VRK2: variants seen among roughly 807,000 people sequenced by gnomAD.
VRK2 encodes the protein serine/threonine-protein kinase VRK2.
In VRK2, 60 loss-of-function variants were observed where a neutral mutation model predicts 57.6. The observed-to-expected ratio is 1.04, with a 90% CI of 0.85 to 1.29. The LOEUF (loss-of-function observed/expected upper bound fraction) is 1.29, where lower values mean the gene tolerates loss of function less well. Among genes scored for constraint, VRK2 ranks in the 50% most tolerant of loss-of-function variants. The pLI, the probability that VRK2 is intolerant of heterozygous loss-of-function variation, is 0.00. For synonymous variants in VRK2, 231 were observed against 199.2 expected (o/e 1.16, Z -1.35); for missense variants, 705 against 588.1 (o/e 1.20, Z -2.06).
At chr2:58,101,241 T>C (rs889620047) in intron 7 of VRK2, among the ~76,000 whole-genome samples, 4 of 151,758 alleles carry the variant, frequency 2.6e-5, no homozygotes, top group Non-Finnish European at 4.4e-5. Context: ...AACAATGTGA[T>C]TTTTTCAGTT....
chr2:57,981,316 G>A (rs538746000), intron 1 of VRK2, among the ~76,000 whole-genome samples: 22 of 152,306 alleles, frequency 1.4e-4, no homozygotes, highest in South Asian at 8.3e-4. Context: ...GGCCAGACAT[G>A]TAATTCCTGG....
chr2:58,055,601 G>A (rs766362597), intron 2 of VRK2, among the ~76,000 whole-genome samples: 5 of 152,142 alleles, frequency 3.3e-5, no homozygotes, highest in Non-Finnish European at 7.3e-5. Context: ...GAATATTTCT[G>A]TTCTCCAGCA....
intron 2 of VRK2, among the ~76,000 whole-genome samples, chr2:58,083,418 T>C (rs1671173384): frequency 6.6e-6 from 1 of 151,830 alleles, no homozygotes; most frequent in Non-Finnish European, 1.5e-5. Flanking sequence ...CACTGGAGTT[T>C]TTAAAAGTAG....
intron 12 of VRK2, chr2:58,159,118 G>A: frequency 2.7e-6 from 1 of 372,394 alleles, no homozygotes; most frequent in East Asian, 4.1e-5. Flanking sequence ...TACTGACGTG[G>A]TTTAAAAGAA....
intron 7 of VRK2, among the ~76,000 whole-genome samples, chr2:58,116,147 A>G (rs990959393): frequency 8.5e-5 from 13 of 152,276 alleles, no homozygotes; most frequent in South Asian, 6.2e-4. Flanking sequence ...CTTTTAAAGC[A>G]TGCTGTGGGA....
At chr2:58,095,188 G>T (rs1328475398) in intron 7 of VRK2, among the ~76,000 whole-genome samples, 3 of 151,928 alleles carry the variant, frequency 2.0e-5, no homozygotes, top group Non-Finnish European at 4.4e-5. Context: ...CAGCCACTCG[G>T]GAGGCTGAGG....
At chr2:58,070,051 T>C (rs1669170492) in intron 2 of VRK2, among the ~76,000 whole-genome samples, 1 of 152,208 alleles carries the variant, frequency 6.6e-6, no homozygotes, top group Admixed American at 6.6e-5. Context: ...AATTCTCATA[T>C]ACTACCTCTT....
chr2:57,966,639 C>T (rs17049272), intron 1 of VRK2, among the ~76,000 whole-genome samples: 12 of 151,764 alleles, frequency 7.9e-5, no homozygotes, highest in South Asian at 2.1e-4. Context: ...TATGTACAAA[C>T]GCTTTTCAGA....
rs777612358 is a variant in VRK2 at position 58,019,823 on chromosome 2, G to A, written c.-438-5842G>A. 7.1e-4 allele frequency among the ~76,000 whole-genome samples: 108 copies of A among 152,204 alleles called. 1 individual carries two copies. The highest frequency in any genetic ancestry group is 1.0e-4 in the Non-Finnish European group (7 of 67,996). ...ATTGATTAGATTACACAAAATTAAA[G>A]TAGAACAACTGGATGAACTAGAAAA... On this transcript the variant is annotated intron_variant, in intron 1 of 15. Transcript: ENST00000417641.
At chr2:58,011,210 A>T (rs1673408320) in intron 1 of VRK2, among the ~76,000 whole-genome samples, 1 of 152,224 alleles carries the variant, frequency 6.6e-6, no homozygotes, top group Non-Finnish European at 1.5e-5. Context: ...CTTTCCTTCA[A>T]ATGATAGCTG....
chr2:57,959,682 A>T (rs1671695536), intron 1 of VRK2, among the ~76,000 whole-genome samples: 1 of 152,328 alleles, frequency 6.6e-6, no homozygotes, highest in East Asian at 1.9e-4. Flanking sequence ...CAGAAGCTCA[A>T]GACAGCTTAA....
chr2:58,027,148 C>T (rs938127099), intron 2 of VRK2, among the ~76,000 whole-genome samples: 1 of 152,114 alleles, frequency 6.6e-6, no homozygotes, highest in African/African-American at 2.4e-5. Flanking sequence ...CTCTGTTTAA[C>T]CATCTCCCTT....
At chr2:58,143,354 T>C (rs980372251) in intron 11 of VRK2, among the ~76,000 whole-genome samples, 1 of 151,980 alleles carries the variant, frequency 6.6e-6, no homozygotes, top group Admixed American at 6.6e-5. Context: ...TTATAAGGGA[T>C]GCCCAGGGTG....
At chr2:57,974,262 A>T (rs1163711003) in intron 1 of VRK2, among the ~76,000 whole-genome samples, 3 of 152,004 alleles carry the variant, frequency 2.0e-5, no homozygotes, top group African/African-American at 7.2e-5. Flanking sequence ...ATTTTATAAT[A>T]TCTTTCTTTC....
At chr2:57,925,952 A>T (rs914849325) in intron 1 of VRK2, among the ~76,000 whole-genome samples, 10 of 151,952 alleles carry the variant, frequency 6.6e-5, no homozygotes, top group African/African-American at 2.4e-4. Flanking sequence ...TTTGAAAAAA[A>T]TGTTTTAATT....
intron 1 of VRK2, among the ~76,000 whole-genome samples, chr2:57,939,858 A>G (rs1671036370): frequency 6.6e-6 from 1 of 152,232 alleles, no homozygotes; most frequent in African/African-American, 2.4e-5. Context: ...AATTTGAAGT[A>G]TCAAGAAATA....
intron 7 of VRK2, among the ~76,000 whole-genome samples, chr2:58,113,377 A>C (rs1202105214): frequency 6.6e-6 from 1 of 151,898 alleles, no homozygotes; most frequent in Non-Finnish European, 1.5e-5. Context: ...CAGATGATGG[A>C]ACTTCAGAGA....
intron 7 of VRK2, among the ~76,000 whole-genome samples, chr2:58,116,092 T>G (rs1247577807): frequency 1.3e-5 from 2 of 152,128 alleles, no homozygotes; most frequent in East Asian, 3.9e-4. Context: ...TTTATAGGTT[T>G]TAGAAGCCCA....
At chr2:58,107,446 A>G (rs557011509) in intron 7 of VRK2, among the ~76,000 whole-genome samples, 1 of 152,254 alleles carries the variant, frequency 6.6e-6, no homozygotes, top group Non-Finnish European at 1.5e-5. Flanking sequence ...AAGTTTAAAA[A>G]GTGGTGTCTA....
Sources: gnomAD v4.1 joint callset for allele counts (sites outside exome capture counted in the v4.1 genomes callset) on GRCh38, gnomAD v4.1.1 for gene constraint, MANE v1.5 for transcripts, NCBI Gene and HGNC (gene_info 2026-07-23, HGNC 2026-07-21) for gene names.